PRMT7: variants seen among roughly 807,000 people sequenced by gnomAD.
The protein encoded by PRMT7 is protein arginine N-methyltransferase 7.
A neutral mutation model predicts 85.4 loss-of-function variants in PRMT7; 75 were observed. The ratio of observed to expected loss-of-function variants is 0.88; its 90% CI spans 0.73 to 1.06. The LOEUF is 1.06. PRMT7 is among the 50% of genes least tolerant of loss of function. The pLI is 0.00. For synonymous variants in PRMT7, 397 were observed against 359.5 expected (o/e 1.10, Z -1.18); for missense variants, 868 against 915.2 (o/e 0.95, Z 0.67).
chr16:68,348,276 T>C (rs1179951165), intron 13 of PRMT7, 66 bp from the exon 14 acceptor site: 6 of 1,260,710 alleles, frequency 4.8e-6, no homozygotes, highest in Non-Finnish European at 6.7e-6. Context: ...CTTTGAGAGA[T>C]TTTTTTTTCC....
At chr16:68,347,329 G>T in intron 12 of PRMT7, 35 bp downstream of exon 12, 1 of 1,507,086 alleles carries the variant, frequency 6.6e-7, no homozygotes, top group Non-Finnish European at 8.9e-7. Flanking sequence ...CTCCTGATGT[G>T]GGCTTGTGAG....
At chr16:68,315,834 G>A in intron 2 of PRMT7, 63 bp from the exon 3 acceptor site, 1 of 698,416 alleles carries the variant, frequency 1.4e-6, no homozygotes, top group South Asian at 1.6e-5. Context: ...GCATTGTGCT[G>A]TTAATAGATT....
chr16:68,319,711 A>AGTGTGTCTGTGTGTGT, intron 3 of PRMT7, among the ~76,000 whole-genome samples: 1 of 141,544 alleles, frequency 7.1e-6, no homozygotes, highest in Admixed American at 7.1e-5. Context: ...TAAGAGTGAG[A>AGTGTGTCTGTGTGTGT]GTGTGTGTGT....
chr16:68,356,263 C>T (rs1218434893), intron 17 of PRMT7, among the ~76,000 whole-genome samples: 3 of 152,246 alleles, frequency 2.0e-5, no homozygotes, highest in Admixed American at 6.5e-5. Context: ...GCAGCCCTGT[C>T]CTGCTCCGGC....
chr16:68,311,643 G>C (rs954559958), intron 1 of PRMT7: 1 of 150,922 alleles, frequency 6.6e-6, no homozygotes, highest in Non-Finnish European at 1.5e-5. Flanking sequence ...GATGAGGAGC[G>C]GGGGGCTTCT....
rs767056912 is a variant in PRMT7 at position 68,339,945 on chromosome 16, C to G, written c.904C>G (p.His302Asp). 24 of 1,612,958 alleles carry G rather than the reference C, an allele frequency of 1.5e-5. No individual in the cohort carries two copies. Among genetic ancestry groups the G allele is most frequent in the Non-Finnish European group, 2.0e-5 (24 of 1,179,630 alleles). Reference sequence around the variant, plus strand: ...GTGCACCATGGCCCCCTTCTGGGCACACTCAGACCCAGAGGAGATGCAGGT... The same window carrying G: ...GTGCACCATGGCCCCCTTCTGGGCAGACTCAGACCCAGAGGAGATGCAGGT... ...IKCTMAPFWA[H>D]SDPEEMQWRD... Residue 302 changes from histidine (H) to aspartate (D), a missense_variant, in exon 9 of 19, where the codon CAC becomes GAC. Coordinates refer to ENST00000441236, the MANE Select transcript of PRMT7 (RefSeq NM_019023.5).
chr16:68,328,179 A>G (rs2083356315), intron 5 of PRMT7: 1 of 273,896 alleles, frequency 3.7e-6, no homozygotes, highest in South Asian at 2.9e-5. Context: ...CCCCAGCTTC[A>G]GGAATGCCTC....
At chr16:68,352,651 C>A in intron 15 of PRMT7, 1 of 400,604 alleles carries the variant, frequency 2.5e-6, no homozygotes, top group Non-Finnish European at 4.5e-6. Context: ...TGTGGCTTAT[C>A]AGAATAATTT....
chr16:68,330,800 G>A (rs757454609), intron 6 of PRMT7, among the ~76,000 whole-genome samples: 3 of 152,058 alleles, frequency 2.0e-5, no homozygotes, highest in Non-Finnish European at 4.4e-5. Context: ...TCACCGTGTT[G>A]GCCAGGCTAG....
At chr16:68,317,130 C>T (rs1472272750) in intron 3 of PRMT7, among the ~76,000 whole-genome samples, 12 of 147,270 alleles carry the variant, frequency 8.1e-5, no homozygotes, top group Non-Finnish European at 1.3e-4. Flanking sequence ...CCCAGGTACT[C>T]GGGAGGCTGA....
At chr16:68,335,107 A>G (rs2084467795) in intron 6 of PRMT7, among the ~76,000 whole-genome samples, 1 of 152,148 alleles carries the variant, frequency 6.6e-6, no homozygotes, top group Non-Finnish European at 1.5e-5. Context: ...CTTGATTTTT[A>G]TTTTAATGAA....
intron 15 of PRMT7, 145 bp downstream of exon 15, chr16:68,352,554 G>A: frequency 1.4e-6 from 1 of 694,292 alleles, no homozygotes; most frequent in Non-Finnish European, 2.2e-6. Context: ...AGCACACTGT[G>A]GGGTTGAATA....
At chr16:68,320,269 C>G (rs1667821211) in intron 3 of PRMT7, among the ~76,000 whole-genome samples, 1 of 152,116 alleles carries the variant, frequency 6.6e-6, no homozygotes, top group South Asian at 2.1e-4. Context: ...TCGTGGAGAC[C>G]CTAACCCAGT....
chr16:68,350,318 G>A (rs1166562368), intron 14 of PRMT7, among the ~76,000 whole-genome samples: 3 of 152,102 alleles, frequency 2.0e-5, no homozygotes, highest in Non-Finnish European at 2.9e-5. Flanking sequence ...TGGTAGTTAC[G>A]ATCGACTTTT....
chr16:68,333,959 T>G (rs754711032), intron 6 of PRMT7, among the ~76,000 whole-genome samples: 25 of 151,904 alleles, frequency 1.6e-4, no homozygotes, highest in Non-Finnish European at 2.9e-4. Flanking sequence ...TTAGTAGAGA[T>G]GGGGTTTCAC....
At chr16:68,353,781 C>T (rs943370764) in intron 16 of PRMT7, among the ~76,000 whole-genome samples, 11 of 152,308 alleles carry the variant, frequency 7.2e-5, no homozygotes, top group Admixed American at 2.0e-4. Context: ...TGGGCCTGCA[C>T]GTCCTGTCAT....
intron 1 of PRMT7, 56 bp downstream of exon 1, chr16:68,311,155 G>A (rs2043575803): frequency 1.6e-6 from 1 of 640,310 alleles, no homozygotes; most frequent in East Asian, 2.8e-5. Flanking sequence ...TGTGTGCAGC[G>A]AGCATGGTGT....
At chr16:68,346,086 C>T (rs745480901) in intron 10 of PRMT7, 59 bp from the exon 11 acceptor site, 65 of 1,604,794 alleles carry the variant, frequency 4.1e-5, no homozygotes, top group Non-Finnish European at 5.4e-5. Context: ...GATTCATGCC[C>T]TCTGGAGACC....
intron 16 of PRMT7, 100 bp from the exon 17 acceptor site, chr16:68,355,623 C>T: frequency 7.8e-7 from 1 of 1,274,408 alleles, no homozygotes; most frequent in Non-Finnish European, 1.0e-6. Flanking sequence ...AGAACGCACA[C>T]CCCTTGTGAC....
Sources: allele counts gnomAD v4.1 joint callset (sites outside exome capture counted in the v4.1 genomes callset), GRCh38; gene constraint gnomAD v4.1.1; transcripts MANE v1.5; gene names NCBI Gene and HGNC (gene_info 2026-07-23, HGNC 2026-07-21).